EPHA3: variants seen among roughly 807,000 people sequenced by gnomAD.
The protein encoded by EPHA3 is EPH receptor A3.
In EPHA3, 42 loss-of-function variants were observed where a neutral mutation model predicts 107.1. The observed-to-expected ratio is 0.39, with a 90% CI of 0.31 to 0.51. The LOEUF is 0.51. Among genes scored for constraint, EPHA3 ranks in the 20% least tolerant of loss-of-function variants. The pLI, the probability that EPHA3 is intolerant of heterozygous loss-of-function variation, is 0.78. For missense variants in EPHA3, 1,183 were observed against 1,211.2 expected, an observed-to-expected ratio of 0.98 and a Z score of 0.35; for synonymous variants, 461 against 424.8, an observed-to-expected ratio of 1.09 and a Z score of -1.05.
At chr3:89,229,635 A>C (rs1704582566) in intron 3 of EPHA3, among the ~76,000 whole-genome samples, 1 of 151,790 alleles carries the variant, frequency 6.6e-6, no homozygotes, top group African/African-American at 2.4e-5. Flanking sequence ...AAGCATCAAA[A>C]TTTAAATAAA....
At chr3:89,184,320 G>C (rs1705512768) in intron 2 of EPHA3, among the ~76,000 whole-genome samples, 1 of 151,926 alleles carries the variant, frequency 6.6e-6, no homozygotes, top group Non-Finnish European at 1.5e-5. Context: ...GTAGAGTAAT[G>C]GTATCCTTAG....
chr3:89,262,549 T>C (rs1705439848), intron 3 of EPHA3, among the ~76,000 whole-genome samples: 1 of 152,222 alleles, frequency 6.6e-6, no homozygotes, highest in Admixed American at 6.5e-5. Context: ...AGATTTACAG[T>C]CTACCCTAAT....
At position 89,198,463 on chromosome 3, in the gene EPHA3, G is replaced by A. The variant is rs187660003; in HGVS notation, c.154-11397G>A. Among the ~76,000 whole-genome samples the A allele has an allele frequency of 8.7e-5, 13 of 149,414 alleles. No individual in the cohort carries two copies. The East Asian group carries it at 2.0e-3, about 23-fold the overall frequency. On this transcript the variant is annotated intron_variant, in intron 2 of 16. Transcript: ENST00000336596. ...AACACAGGGTCTTTTATCTCTACAGGTTAGACCCTTAAATCTAGGCTCCTC... is the reference window on the plus strand; with the variant it reads ...AACACAGGGTCTTTTATCTCTACAGATTAGACCCTTAAATCTAGGCTCCTC...
intron 5 of EPHA3, among the ~76,000 whole-genome samples, chr3:89,357,474 C>T (rs530518582): frequency 6.6e-6 from 1 of 151,052 alleles, no homozygotes; most frequent in Admixed American, 6.6e-5. Context: ...TGCATCTTTA[C>T]TTTTATTTGT....
At chr3:89,185,685 A>G (rs1654064271) in intron 2 of EPHA3, among the ~76,000 whole-genome samples, 1 of 152,056 alleles carries the variant, frequency 6.6e-6, no homozygotes, top group Non-Finnish European at 1.5e-5. Context: ...TTTCACTTGC[A>G]TCCTCACAAT....
intron 11 of EPHA3, among the ~76,000 whole-genome samples, chr3:89,421,064 T>G (rs1294226412): frequency 6.6e-6 from 1 of 151,412 alleles, no homozygotes; most frequent in Non-Finnish European, 1.5e-5. Flanking sequence ...TCCCCAACTC[T>G]GAACCCAAAC....
At chr3:89,351,187 T>C (rs1707806781) in intron 5 of EPHA3, among the ~76,000 whole-genome samples, 1 of 151,308 alleles carries the variant, frequency 6.6e-6, no homozygotes, top group African/African-American at 2.4e-5. Context: ...TAAGCAAGCC[T>C]GGGCAATGGC....
Position 89,341,757 on chromosome 3 carries a change from C to A in EPHA3, c.973C>A (p.Pro325Thr). ...ATCTTTGTTGAACTACTTTGCAGGACCTCCATCTTCACCAAGAAATGTTAT... is the reference window on the plus strand; with the variant it reads ...ATCTTTGTTGAACTACTTTGCAGGAACTCCATCTTCACCAAGAAATGTTAT... ...KDPPSMACTR[P>T]PSSPRNVISN... The change falls in exon 5 of 17, where the codon CCT (proline) becomes ACT (threonine). Residue 325 changes from proline (P) to threonine (T), a missense_variant and splice_region_variant. By Grantham distance (38) the Pro-to-Thr change is conservative (BLOSUM62 -1). Transcript: ENST00000336596. The A allele has an allele frequency of 6.2e-7, 1 of 1,605,992 alleles. No individual in the cohort carries two copies. Among genetic ancestry groups the A allele is most frequent in the South Asian group, 1.1e-5 (1 of 89,890 alleles).
At chr3:89,333,002 T>C (rs568166352) in intron 3 of EPHA3, among the ~76,000 whole-genome samples, 3 of 152,296 alleles carry the variant, frequency 2.0e-5, no homozygotes, top group African/African-American at 4.8e-5. Context: ...GTAGCCACCA[T>C]GGTTTACTAA....
At chr3:89,459,312 A>G (rs1056166943) in intron 15 of EPHA3, among the ~76,000 whole-genome samples, 3 of 152,212 alleles carry the variant, frequency 2.0e-5, no homozygotes, top group Non-Finnish European at 2.9e-5. Flanking sequence ...AAGGCAAGGC[A>G]AAACAAGAAG....
chr3:89,405,437 G>C (rs986545611), intron 7 of EPHA3, among the ~76,000 whole-genome samples: 5 of 152,196 alleles, frequency 3.3e-5, no homozygotes, highest in Admixed American at 2.0e-4. Context: ...GCACTCCTGT[G>C]ACTGCCATAG....
chr3:89,180,612 G>A (rs1197383238), intron 2 of EPHA3, among the ~76,000 whole-genome samples: 1 of 151,956 alleles, frequency 6.6e-6, no homozygotes, highest in Non-Finnish European at 1.5e-5. Flanking sequence ...CAGTTTAGTA[G>A]CGTTATAAGG....
intron 2 of EPHA3, among the ~76,000 whole-genome samples, chr3:89,130,736 G>A (rs1485252307): frequency 6.6e-6 from 1 of 151,124 alleles, no homozygotes; most frequent in African/African-American, 2.4e-5. Context: ...CCGGGTTCAC[G>A]CAATTCTCCT....
chr3:89,177,477 G>T (rs1705345287), intron 2 of EPHA3, among the ~76,000 whole-genome samples: 1 of 152,164 alleles, frequency 6.6e-6, no homozygotes, highest in Non-Finnish European at 1.5e-5. Context: ...CCATTGGTAA[G>T]ATTTCAGTAA....
intron 3 of EPHA3, among the ~76,000 whole-genome samples, chr3:89,324,005 C>T (rs531284999): frequency 6.6e-6 from 1 of 152,086 alleles, no homozygotes; most frequent in East Asian, 1.9e-4. Flanking sequence ...TTTACTACAG[C>T]AAATGCTAAC....
Position 89,476,179 on chromosome 3 carries a change from A to G in EPHA3, c.2847-3218A>G, listed in dbSNP as rs374139487. ...AATGTTTATATATTGTAGATAACAT[A>G]TATAAACATGTATATATATATAAAC... On this transcript the variant is annotated intron_variant, in intron 16 of 16. Coordinates refer to ENST00000336596, the MANE Select transcript of EPHA3 (RefSeq NM_005233.6). 1.2e-4 allele frequency among the ~76,000 whole-genome samples: 17 copies of G among 146,848 alleles called. 1 individual carries two copies. In the East Asian group the frequency reaches 1.8e-3, roughly 15 times the overall value.
intron 3 of EPHA3, among the ~76,000 whole-genome samples, chr3:89,275,846 G>A (rs1388003974): frequency 6.6e-6 from 1 of 152,064 alleles, no homozygotes; most frequent in Non-Finnish European, 1.5e-5. Flanking sequence ...TTTGCTGAGA[G>A]CTGGTACTAT....
intron 2 of EPHA3, among the ~76,000 whole-genome samples, chr3:89,179,839 G>A (rs538760425): frequency 6.6e-6 from 1 of 151,716 alleles, no homozygotes; most frequent in Non-Finnish European, 1.5e-5. Context: ...TTAGTGCTGC[G>A]GTTTGGTGAA....
intron 5 of EPHA3, among the ~76,000 whole-genome samples, chr3:89,358,015 T>G (rs1244795304): frequency 1.3e-5 from 2 of 151,316 alleles, no homozygotes; most frequent in African/African-American, 4.8e-5. Context: ...CATATGTGTA[T>G]GTGTTTATAT....
Sources: gnomAD v4.1 joint callset for allele counts (sites outside exome capture counted in the v4.1 genomes callset) on GRCh38, gnomAD v4.1.1 for gene constraint, MANE v1.5 for transcripts, NCBI Gene and HGNC (gene_info 2026-07-23, HGNC 2026-07-21) for gene names.